Variants in LHFPL3 observed in about 807,000 individuals in gnomAD.
LHFPL3 encodes LHFPL tetraspan subfamily member 3 protein.
In LHFPL3, 5 loss-of-function variants were observed where a neutral mutation model predicts 19.3. The ratio of observed to expected loss-of-function variants is 0.26; its 90% CI spans 0.14 to 0.54. The LOEUF is 0.54. Among genes scored for constraint, LHFPL3 ranks in the 20% least tolerant of loss-of-function variants. The pLI is 0.94. For synonymous variants in LHFPL3, 133 were observed against 126.2 expected (o/e 1.05, Z -0.36); for missense variants, 249 against 307.4 (o/e 0.81, Z 1.42).
intron 1 of LHFPL3, among the ~76,000 whole-genome samples, chr7:104,665,709 A>C (rs891111909): frequency 6.6e-6 from 1 of 152,248 alleles, no homozygotes; most frequent in African/African-American, 2.4e-5. Context: ...TCTCTGCTCA[A>C]AGGTGAGTTA....
chr7:104,772,078 A>C (rs1160872765), intron 2 of LHFPL3, among the ~76,000 whole-genome samples: 2 of 152,010 alleles, frequency 1.3e-5, no homozygotes, highest in African/African-American at 4.8e-5. Context: ...TCGGCCTCCC[A>C]AAGTGCTGGG....
At chr7:104,627,635 A>C (rs920525126) in intron 1 of LHFPL3, among the ~76,000 whole-genome samples, 9 of 152,194 alleles carry the variant, frequency 5.9e-5, no homozygotes, top group Non-Finnish European at 4.4e-5. Context: ...CTTACAAAAC[A>C]AGGACCCTTT....
At chr7:104,585,613 A>T (rs1321991608) in intron 1 of LHFPL3, among the ~76,000 whole-genome samples, 2 of 152,094 alleles carry the variant, frequency 1.3e-5, no homozygotes, top group African/African-American at 2.4e-5. Context: ...ATGTCAGTTG[A>T]TAACTTTCAC....
At chr7:104,430,436 A>ATACATGTATATATATATATATATACACG (rs1562895305) in intron 1 of LHFPL3, among the ~76,000 whole-genome samples, 2 of 13,074 alleles carry the variant, frequency 1.5e-4, no homozygotes, top group African/African-American at 3.1e-4. Flanking sequence ...ATATATATAT[A>ATACATGTATATATATATATATATACACG]TATATATATA....
intron 2 of LHFPL3, among the ~76,000 whole-genome samples, chr7:104,807,011 A>ATGTG (rs10665231): frequency 0.13 from 18,347 of 139,488 alleles, 1,290 homozygotes; most frequent in South Asian, 0.18. Flanking sequence ...CAAAATATAT[A>ATGTG]TGTGTGTGTG....
rs550661262 is a variant in LHFPL3, at chr7:104,338,651, G to C, written c.445+9427G>C. The stretch of plus-strand genomic sequence containing the variant: ...ATTAGATAAAATATACTTAACCTAA[G>C]CAATTTGAGACTTTTTTCCTTTGGT... On this transcript the variant is annotated intron_variant, in intron 1 of 2. Transcript: ENST00000424859. Among the ~76,000 whole-genome samples the C allele has an allele frequency of 2.0e-5, 3 of 152,234 alleles. No homozygotes were observed. In the South Asian group the frequency reaches 6.2e-4, roughly 32 times the overall value.
At chr7:104,752,070 T>C (rs888803392) in intron 2 of LHFPL3, among the ~76,000 whole-genome samples, 14 of 151,616 alleles carry the variant, frequency 9.2e-5, no homozygotes, top group Non-Finnish European at 1.5e-4. Context: ...GGCGGTTGGG[T>C]CTTATTTTCT....
intron 1 of LHFPL3, among the ~76,000 whole-genome samples, chr7:104,424,845 G>T (rs1791806931): frequency 6.6e-6 from 1 of 151,984 alleles, no homozygotes; most frequent in Non-Finnish European, 1.5e-5. Flanking sequence ...AGCCGGGCGT[G>T]GTGGTGGGCA....
intron 1 of LHFPL3, among the ~76,000 whole-genome samples, chr7:104,501,951 G>A (rs993752317): frequency 6.6e-6 from 1 of 152,044 alleles, no homozygotes; most frequent in Admixed American, 6.6e-5. Flanking sequence ...TACTGTTCTA[G>A]GAATCAAATT....
At chr7:104,730,381 T>C (rs1298721876) in intron 1 of LHFPL3, among the ~76,000 whole-genome samples, 1 of 152,216 alleles carries the variant, frequency 6.6e-6, no homozygotes, top group African/African-American at 2.4e-5. Flanking sequence ...AGTGTTCCTA[T>C]TTCCCCACAG....
At chr7:104,599,367 C>T (rs188461680) in intron 1 of LHFPL3, among the ~76,000 whole-genome samples, 1 of 152,234 alleles carries the variant, frequency 6.6e-6, no homozygotes, top group Admixed American at 6.5e-5. Context: ...TTGGAAATAA[C>T]ATTTTCTTGT....
At chr7:104,633,953 C>T (rs1791689439) in intron 1 of LHFPL3, among the ~76,000 whole-genome samples, 1 of 152,188 alleles carries the variant, frequency 6.6e-6, no homozygotes, top group Admixed American at 6.6e-5. Flanking sequence ...GTGTTGGATA[C>T]AAAGACTTCT....
intron 1 of LHFPL3, among the ~76,000 whole-genome samples, chr7:104,455,485 C>G (rs1792521760): frequency 6.6e-6 from 1 of 152,172 alleles, no homozygotes; most frequent in South Asian, 2.1e-4. Flanking sequence ...CTTTGGGAGG[C>G]TGAGGTGGTT....
intron 1 of LHFPL3, among the ~76,000 whole-genome samples, chr7:104,621,898 T>A (rs1474603706): frequency 1.3e-5 from 2 of 152,172 alleles, no homozygotes; most frequent in Non-Finnish European, 2.9e-5. Flanking sequence ...CCCATCTTCC[T>A]GCCTTTTAGT....
chr7:104,338,301 G>A (rs1789877540), intron 1 of LHFPL3, among the ~76,000 whole-genome samples: 3 of 151,776 alleles, frequency 2.0e-5, no homozygotes, highest in South Asian at 2.1e-4. Context: ...GGGTGTCACC[G>A]TATTAGCCAG....
intron 1 of LHFPL3, among the ~76,000 whole-genome samples, chr7:104,506,134 A>G (rs1584366226): frequency 1.3e-5 from 2 of 151,782 alleles, no homozygotes; most frequent in East Asian, 3.9e-4. Context: ...CTCCTGCCTC[A>G]GCCTCCCGAG....
chr7:104,878,874 G>T (rs1317664278), intron 2 of LHFPL3, among the ~76,000 whole-genome samples: 1 of 152,190 alleles, frequency 6.6e-6, no homozygotes, highest in Non-Finnish European at 1.5e-5. Context: ...TTAAGGGATT[G>T]TTATGGTTAT....
chr7:104,866,056 A>G (rs1292816625), intron 2 of LHFPL3, among the ~76,000 whole-genome samples: 1 of 152,222 alleles, frequency 6.6e-6, no homozygotes. Context: ...GGCCTGCCCT[A>G]AAAGAGCTCC....
At chr7:104,630,125 T>C (rs1791614551) in intron 1 of LHFPL3, among the ~76,000 whole-genome samples, 2 of 152,206 alleles carry the variant, frequency 1.3e-5, no homozygotes. Context: ...TTGAGGAGTT[T>C]GTGACTTAAT....
Sources: gnomAD v4.1 joint callset for allele counts (sites outside exome capture counted in the v4.1 genomes callset) on GRCh38, gnomAD v4.1.1 for gene constraint, MANE v1.5 for transcripts, NCBI Gene and HGNC (gene_info 2026-07-23, HGNC 2026-07-21) for gene names.